The following TPI1 variants were observed in gnomAD, a reference collection of about 807,000 sequenced individuals.
TPI1 encodes triosephosphate isomerase.
Under a neutral mutation model 31.0 loss-of-function variants are expected in TPI1, and 11 were observed. The ratio of observed to expected loss-of-function variants is 0.36; its 90% CI spans 0.22 to 0.59. The LOEUF is 0.59. Among genes scored for constraint, TPI1 ranks in the 20% least tolerant of loss-of-function variants. The pLI is 0.79. For missense variants in TPI1, 245 were observed against 319.7 expected (o/e 0.77, Z 1.78); for synonymous variants, 121 against 122.8 (o/e 0.99, Z 0.10).
chr12:6,869,659 T>G (rs782725599), intron 4 of TPI1, 29 bp from the exon 5 acceptor site: 1 of 1,612,850 alleles, frequency 6.2e-7, no homozygotes, highest in Non-Finnish European at 8.5e-7. Context: ...TTGTTCACCC[T>G]TCCCTCCATC....
intron 1 of TPI1, chr12:6,868,651 C>G: frequency 7.5e-7 from 1 of 1,330,880 alleles, no homozygotes; most frequent in Non-Finnish European, 1.0e-6. Context: ...GGGCCGTGGC[C>G]TCTCAGGGGT....
intron 1 of TPI1, chr12:6,868,598 GA>G (rs1169235686): frequency 2.3e-5 from 31 of 1,351,716 alleles, no homozygotes; most frequent in Admixed American, 5.5e-5. Context: ...ATAGCTCGAG[GA>G]AATTGGAGCC....
rs1944552140 is a variant in TPI1 at position 6,870,032 on chromosome 12, C to T, written c.544-17C>T. On this transcript the variant is annotated splice_polypyrimidine_tract_variant and intron_variant, in intron 5 of 6. Coordinates refer to ENST00000396705, the MANE Select transcript of TPI1 (RefSeq NM_000365.6). ...AGAGGCAGAAAAGGTCTTACTTAGG[C>T]CAGCTTCTTGTTCTAGGCCCAGGAA... The T allele has an allele frequency of 3.1e-6, 5 of 1,614,058 alleles. No homozygotes were observed. The highest frequency in any genetic ancestry group is 4.2e-6 in the Non-Finnish European group (5 of 1,179,900).
chr12:6,867,549 C>T lies in TPI1; in HGVS notation c.-18C>T, dbSNP rs782181569. ...ACTGCGCGCAGACACTGACCTTCAGCGCCTCGGCTCCAGCGCCATGGCGCC... is the reference window on the plus strand; with the variant it reads ...ACTGCGCGCAGACACTGACCTTCAGTGCCTCGGCTCCAGCGCCATGGCGCC... On this transcript the variant is annotated 5_prime_UTR_variant, in exon 1 of 7. Coordinates refer to ENST00000396705, the MANE Select transcript of TPI1 (RefSeq NM_000365.6). 1.7e-5 allele frequency: 27 copies of T among 1,610,380 alleles called. No individual in the cohort carries two copies. The Admixed American group carries it at 3.5e-4, about 21-fold the overall frequency.
chr12:6,867,717 G>A, intron 1 of TPI1, 36 bp downstream of exon 1: 1 of 1,546,468 alleles, frequency 6.5e-7, no homozygotes. Context: ...GGCCGGGCCG[G>A]GGCCGGGGCC....
intron 1 of TPI1, chr12:6,868,319 G>C: frequency 7.8e-7 from 1 of 1,287,676 alleles, no homozygotes; most frequent in African/African-American, 1.5e-5. Context: ...CTCTGAGTCA[G>C]TTAGGTCTCT....
intron 1 of TPI1, 139 bp from the exon 2 acceptor site, chr12:6,868,725 C>A: frequency 6.9e-7 from 1 of 1,441,652 alleles, no homozygotes; most frequent in Non-Finnish European, 9.4e-7. Context: ...CAAAGGTCAT[C>A]TTGCTGGGGT....
At chr12:6,868,667 G>A (rs781797774) in intron 1 of TPI1, 197 bp from the exon 2 acceptor site, 77 of 1,329,716 alleles carry the variant, frequency 5.8e-5, no homozygotes, top group East Asian at 7.7e-5. Context: ...GGGGTATCTG[G>A]AAGGCTCTTC....
At chr12:6,869,222 CAAG>C (rs1373633588) in intron 3 of TPI1, 33 bp from the exon 4 acceptor site, 10 of 1,613,976 alleles carry the variant, frequency 6.2e-6, no homozygotes, top group Non-Finnish European at 7.6e-6. Context: ...TGTCTTTTTC[CAAG>C]AAGGATGTCT....
rs377186570 is a variant in TPI1 at position 6,870,902 on chromosome 12, T to G, written c.*519T>G. 4.8e-6 allele frequency: 3 copies of G among 620,626 alleles called. No individual in the cohort carries two copies. Among genetic ancestry groups the G allele is most frequent in the Non-Finnish European group, 8.8e-6 (3 of 340,276 alleles). The allele number at this position is 620,626 out of a possible 1,614,324, so 38.4% of individuals were successfully genotyped here. ...TTTGAGGCAGCTATATAAATGATCA[T>G]TTGTGCAAGAAAAAAAAAAAAACAA... On this transcript the variant is annotated 3_prime_UTR_variant, in exon 7 of 7. Transcript: ENST00000396705.
rs782014411 is a variant in TPI1 at position 6,869,350 on chromosome 12, C to T, written c.417C>T (p.Ile139=). The change falls in exon 4 of 7, where the codon ATC becomes ATT. Residue 139 remains isoleucine (I), a synonymous_variant. Transcript: ENST00000396705. ...GEKLDEREAG[I]TEKVVFEQTK... is the part of the protein sequence containing the mutation. ...AGCTAGATGAAAGGGAAGCTGGCAT[C>T]ACTGAGAAGGTTGTTTTCGAGCAGA... 8.1e-6 allele frequency: 13 copies of T among 1,614,100 alleles called. No homozygotes were observed. The highest frequency in any genetic ancestry group is 3.3e-4 in the Middle Eastern group (2 of 6,062).
At position 6,868,368 on chromosome 12, in the gene TPI1, T is replaced by C. The variant is rs1555131894; in HGVS notation, c.116-496T>C. 2.3e-6 allele frequency: 3 copies of C among 1,287,866 alleles called. No individual in the cohort carries two copies. In the South Asian group the frequency reaches 3.7e-5, roughly 16 times the overall value. 79.8% of individuals were successfully genotyped at this position (1,287,866 alleles called of 1,614,324 possible). A position where few individuals can be genotyped will look rare whatever the true frequency, so the allele number is the denominator to read the frequency against. On this transcript the variant is annotated intron_variant, in intron 1 of 6. Transcript: ENST00000396705. ...AAAGGATGCTCTCCTCCATCCTCCTTCCTCCCTCCACCGAAATCGGAGAGC... is the reference window on the plus strand; with the variant it reads ...AAAGGATGCTCTCCTCCATCCTCCTCCCTCCCTCCACCGAAATCGGAGAGC...
At chr12:6,868,748 A>G in intron 1 of TPI1, 116 bp from the exon 2 acceptor site, 1 of 1,486,630 alleles carries the variant, frequency 6.7e-7, no homozygotes, top group Non-Finnish European at 9.1e-7. Flanking sequence ...AAAGGGGGAG[A>G]GCAGAACCAA....
At chr12:6,867,918 G>C (rs1458598465) in intron 1 of TPI1, among the ~76,000 whole-genome samples, 3 of 152,200 alleles carry the variant, frequency 2.0e-5, no homozygotes, top group Admixed American at 6.5e-5. Context: ...GGCAGGTAAG[G>C]ACGTTTTGGG....
rs1944563510 is a variant in TPI1, at chr12:6,870,483, T to TCTGCTC, written c.*103_*108dup. 1.1e-6 allele frequency: 1 copy of TCTGCTC among 910,668 alleles called. No individual in the cohort carries two copies. The allele number at this position is 910,668 out of a possible 1,614,324, so 56.4% of individuals were successfully genotyped here. ...CCTGCATATGCTTCTGATGGTGTCA[T>TCTGCTC]CTGCTCCTTCCTGTGGCCTCATCCA... On this transcript the variant is annotated 3_prime_UTR_variant, in exon 7 of 7. Transcript: ENST00000396705.
intron 1 of TPI1, chr12:6,868,590 A>C: frequency 7.5e-7 from 1 of 1,333,456 alleles, no homozygotes; most frequent in Non-Finnish European, 9.7e-7. Context: ...TGCCGAGAAT[A>C]GCTCGAGGAA....
At position 6,870,698 on chromosome 12, in the gene TPI1, A is replaced by C; in HGVS notation, c.*315A>C. 1 of 584,654 alleles carries C rather than the reference A, an allele frequency of 1.7e-6. No homozygotes were observed. Among genetic ancestry groups the C allele is most frequent in the South Asian group, 1.4e-5 (1 of 71,478 alleles). 36.2% of individuals were successfully genotyped at this position (584,654 alleles called of 1,614,324 possible). Reference sequence around the variant, plus strand: ...CCCTAGTGAGGGCAGAAGAGAAACCATCCTCTCCCTTCTTACACCGTGAGG... The same window carrying C: ...CCCTAGTGAGGGCAGAAGAGAAACCCTCCTCTCCCTTCTTACACCGTGAGG... On this transcript the variant is annotated 3_prime_UTR_variant, in exon 7 of 7. Transcript: ENST00000396705.
chr12:6,867,450 C>T, upstream of TPI1: 2 of 1,503,530 alleles, frequency 1.3e-6, no homozygotes, highest in South Asian at 1.3e-5. Flanking sequence ...GGGGACTGGG[C>T]GGGCCATGGC....
intron 6 of TPI1, 24 bp downstream of exon 6, chr12:6,870,160 G>A: frequency 6.2e-7 from 1 of 1,610,588 alleles, no homozygotes; most frequent in Non-Finnish European, 8.5e-7. Context: ...GTTCCCGGCT[G>A]AGGTGGAGTG....
Sources: gnomAD v4.1 joint callset for allele counts (sites outside exome capture counted in the v4.1 genomes callset) on GRCh38, gnomAD v4.1.1 for gene constraint, MANE v1.5 for transcripts, NCBI Gene and HGNC (gene_info 2026-07-23, HGNC 2026-07-21) for gene names.